Variants in HYCC1 observed in about 807,000 individuals in gnomAD.
The protein encoded by HYCC1 is hyccin PI4KA lipid kinase complex subunit 1.
At chr7:22,922,933 AAAG>A in the HYCC1 span, among the ~76,000 whole-genome samples, 122 of 152,354 alleles carry the variant, frequency 8.0e-4, no homozygotes, top group Admixed American at 1.4e-3. Flanking sequence ...ATGAGAATTG[AAAG>A]AAGAAATACA....
the HYCC1 span, among the ~76,000 whole-genome samples, chr7:22,933,817 G>A: frequency 6.6e-6 from 1 of 152,026 alleles, no homozygotes; most frequent in Non-Finnish European, 1.5e-5. Flanking sequence ...GGTCATCTGT[G>A]GATGTTTTTA....
At chr7:22,912,698 G>C in the HYCC1 span, among the ~76,000 whole-genome samples, 4 of 152,320 alleles carry the variant, frequency 2.6e-5, no homozygotes, top group African/African-American at 9.6e-5. Context: ...TTTCCCCAAA[G>C]TAACTGACCA....
At chr7:22,976,163 A>G in the HYCC1 span, 5 of 1,150,544 alleles carry the variant, frequency 4.3e-6, no homozygotes, top group East Asian at 9.4e-5. Context: ...ACTAGCAATC[A>G]TAGATTCATA....
the HYCC1 span, chr7:22,941,748 A>T: frequency 1.1e-4 from 17 of 152,204 alleles, no homozygotes; most frequent in African/African-American, 4.1e-4. Context: ...GAATTTAACA[A>T]TATTAAACAT....
At chr7:22,978,548 T>C in the HYCC1 span, 1 of 994,862 alleles carries the variant, frequency 1.0e-6, no homozygotes, top group Non-Finnish European at 1.5e-6. Flanking sequence ...AAAAATCATA[T>C]CTTTTTAAGT....
the HYCC1 span, among the ~76,000 whole-genome samples, chr7:22,972,623 T>C: frequency 1.3e-5 from 2 of 152,210 alleles, no homozygotes; most frequent in Admixed American, 6.5e-5. Context: ...CAAAACTTAT[T>C]TGTAGCATTG....
At chr7:22,956,472 T>C in the HYCC1 span, among the ~76,000 whole-genome samples, 2 of 152,004 alleles carry the variant, frequency 1.3e-5, no homozygotes, top group African/African-American at 4.8e-5. Context: ...GTCCATACAA[T>C]TGTTTAACTT....
At chr7:22,991,989 T>C in the HYCC1 span, among the ~76,000 whole-genome samples, 3 of 152,070 alleles carry the variant, frequency 2.0e-5, no homozygotes, top group African/African-American at 4.8e-5. Context: ...GTAAGATATA[T>C]TTGCCTTACT....
At chr7:22,938,881 C>G in the HYCC1 span, 3 of 152,066 alleles carry the variant, frequency 2.0e-5, no homozygotes, top group African/African-American at 7.2e-5. Context: ...GCCCAGGAAT[C>G]CCCATTTAAA....
chr7:22,939,502 T>C, the HYCC1 span: 1 of 152,248 alleles, frequency 6.6e-6, no homozygotes, highest in African/African-American at 2.4e-5. Context: ...TTTACCATGC[T>C]TTTACTAACA....
the HYCC1 span, among the ~76,000 whole-genome samples, chr7:22,979,007 A>T: frequency 9.1e-4 from 139 of 152,300 alleles, no homozygotes; most frequent in African/African-American, 3.2e-3. Flanking sequence ...AAGCATATAC[A>T]ATGATTGCAC....
At chr7:22,961,359 T>A in the HYCC1 span, 1 of 1,185,240 alleles carries the variant, frequency 8.4e-7, no homozygotes, top group Non-Finnish European at 1.2e-6. Context: ...GAAATTATAA[T>A]TATTTATAAC....
chr7:22,920,899 C>T, the HYCC1 span, among the ~76,000 whole-genome samples: 1 of 152,118 alleles, frequency 6.6e-6, no homozygotes, highest in African/African-American at 2.4e-5. Context: ...TCTTGCTCAG[C>T]TAGTTCATGT....
At chr7:22,953,748 G>A in the HYCC1 span, among the ~76,000 whole-genome samples, 10 of 151,674 alleles carry the variant, frequency 6.6e-5, no homozygotes, top group Non-Finnish European at 1.2e-4. Context: ...AAAATTTTTG[G>A]TAAGAAAGAA....
chr7:22,941,534 C>T, the HYCC1 span: 1 of 151,980 alleles, frequency 6.6e-6, no homozygotes. Context: ...AAGAGGTACA[C>T]AATAAGTTCC....
chr7:22,941,295 C>T, the HYCC1 span: 2 of 131,184 alleles, frequency 1.5e-5, no homozygotes, highest in South Asian at 2.6e-4. Flanking sequence ...AAACAAGAGG[C>T]AACACTTGTT....
the HYCC1 span, among the ~76,000 whole-genome samples, chr7:22,901,942 T>G: frequency 6.6e-6 from 1 of 152,162 alleles, no homozygotes; most frequent in South Asian, 2.1e-4. Flanking sequence ...TCAGCATTTG[T>G]ATAATATTAC....
the HYCC1 span, among the ~76,000 whole-genome samples, chr7:22,964,970 G>GT: frequency 6.6e-6 from 1 of 151,618 alleles, no homozygotes; most frequent in South Asian, 2.1e-4. Context: ...CCTGTCTCTA[G>GT]TAAAAATACA....
chr7:22,920,016 T>C, the HYCC1 span, among the ~76,000 whole-genome samples: 2 of 152,040 alleles, frequency 1.3e-5, 1 homozygote, highest in South Asian at 4.1e-4. Flanking sequence ...AGAGTAAAAA[T>C]GCTGAAAACA....
Sources: gnomAD v4.1 joint callset for allele counts (sites outside exome capture counted in the v4.1 genomes callset) on GRCh38, gnomAD v4.1.1 for gene constraint, MANE v1.5 for transcripts, NCBI Gene and HGNC (gene_info 2026-07-23, HGNC 2026-07-21) for gene names.